The following NGEF variants were observed in gnomAD, a reference collection of about 807,000 sequenced individuals.
NGEF encodes ephexin-1.
NGEF carries 31 observed loss-of-function variants against 80.9 expected under a neutral mutation model. That is an observed-to-expected ratio of 0.38 (90% CI 0.29 to 0.52). The LOEUF is 0.52. Among genes scored for constraint, NGEF ranks in the 20% least tolerant of loss-of-function variants. The pLI, the probability that NGEF is intolerant of heterozygous loss-of-function variation, is 0.84. For synonymous variants in NGEF, 371 were observed against 370.2 expected (o/e 1.00, Z -0.03); for missense variants, 709 against 926.2 (o/e 0.77, Z 3.04).
chr2:233,001,159 C>G (rs1161317306), intron 1 of NGEF, among the ~76,000 whole-genome samples: 2 of 152,192 alleles, frequency 1.3e-5, no homozygotes, highest in Non-Finnish European at 2.9e-5. Context: ...AGAGGCTGGG[C>G]TGAACCAACC....
chr2:232,927,851 CG>C (rs1375483286), intron 3 of NGEF: 6 of 1,219,612 alleles, frequency 4.9e-6, no homozygotes, highest in South Asian at 6.2e-5. Flanking sequence ...AAGAGGCACG[CG>C]GGGGCGGCGC....
chr2:232,932,262 T>A (rs1456737368), intron 3 of NGEF, among the ~76,000 whole-genome samples: 1 of 150,986 alleles, frequency 6.6e-6, no homozygotes, highest in Non-Finnish European at 1.5e-5. Flanking sequence ...CCTCCTGGGT[T>A]CAAGTGATTC....
chr2:232,983,467 C>T lies in NGEF; in HGVS notation c.-74-8503G>A, dbSNP rs188096501. ...GAGGATGGAAATACCTGAAGCAGGTCGGGGTGGGGGTGCAGGGTTAGCTGA... is the reference window on the plus strand; with the variant it reads ...GAGGATGGAAATACCTGAAGCAGGTTGGGGTGGGGGTGCAGGGTTAGCTGA... On this transcript the variant is annotated intron_variant, in intron 1 of 14. Transcript: ENST00000264051. 9.7e-4 allele frequency among the ~76,000 whole-genome samples: 146 copies of T among 150,298 alleles called. 1 individual carries two copies. Among genetic ancestry groups the T allele is most frequent in the Admixed American group, 8.5e-3 (129 of 15,158 alleles).
intron 13 of NGEF, among the ~76,000 whole-genome samples, 187 bp downstream of exon 13, chr2:232,881,999 T>TGGCCATGTGA (rs1421354238): frequency 6.6e-6 from 1 of 152,212 alleles, no homozygotes; most frequent in Non-Finnish European, 1.5e-5. Context: ...TCACACAGTG[T>TGGCCATGTGA]GGCCATGCCA....
intron 7 of NGEF, among the ~76,000 whole-genome samples, chr2:232,891,928 A>G (rs1691896801): frequency 6.6e-6 from 1 of 152,070 alleles, no homozygotes; most frequent in African/African-American, 2.4e-5. Flanking sequence ...GAGGGCTGGG[A>G]GAGCTGGAGG....
At chr2:233,008,397 A>T (rs1574668763) in intron 1 of NGEF, among the ~76,000 whole-genome samples, 1 of 152,210 alleles carries the variant, frequency 6.6e-6, no homozygotes, top group African/African-American at 2.4e-5. Context: ...TGCATGAGGT[A>T]CTCTCCAGGG....
chr2:232,890,652 C>CA (rs1469913813), intron 8 of NGEF, among the ~76,000 whole-genome samples: 1 of 152,160 alleles, frequency 6.6e-6, no homozygotes, highest in Non-Finnish European at 1.5e-5. Context: ...GAATCACTCT[C>CA]AGTCCTTCTC....
chr2:232,985,890 G>A (rs1318065549), intron 1 of NGEF, among the ~76,000 whole-genome samples: 1 of 149,964 alleles, frequency 6.7e-6, no homozygotes, highest in African/African-American at 2.5e-5. Flanking sequence ...AGTGAGCCCA[G>A]ATCACGCCAT....
intron 14 of NGEF, among the ~76,000 whole-genome samples, chr2:232,880,552 T>G (rs1691463354): frequency 6.6e-6 from 1 of 152,214 alleles, no homozygotes; most frequent in African/African-American, 2.4e-5. Context: ...GAAGATGCAG[T>G]TGTATACTTT....
intron 1 of NGEF, among the ~76,000 whole-genome samples, chr2:233,000,722 T>C (rs1209725422): frequency 6.7e-6 from 1 of 148,832 alleles, no homozygotes; most frequent in African/African-American, 2.5e-5. Flanking sequence ...ATCGCGCCAC[T>C]GCACTCCAGC....
rs369440001 is a variant in NGEF, at chr2:232,891,421, C to T, written c.1209G>A (p.Leu403=). Residue 403 remains leucine (L), a synonymous_variant, in exon 8 of 15, where the codon CTG becomes CTA. Coordinates refer to ENST00000264051, the MANE Select transcript of NGEF (RefSeq NM_019850.3). ...QLELDPKCRG[L]PFSSFLILPF... ...GCAGGATGAGGAAGGAGGAGAAGGGCAGCCCCCTGCACTTGGGGTCGAGCT... is the reference window on the plus strand; with the variant it reads ...GCAGGATGAGGAAGGAGGAGAAGGGTAGCCCCCTGCACTTGGGGTCGAGCT... 2.4e-5 allele frequency: 39 copies of T among 1,613,402 alleles called. No homozygotes were observed. The highest frequency in any genetic ancestry group is 3.1e-5 in the Non-Finnish European group (37 of 1,179,986).
intron 3 of NGEF, among the ~76,000 whole-genome samples, chr2:232,965,390 G>C (rs199794055): frequency 6.6e-6 from 1 of 152,186 alleles, no homozygotes; most frequent in African/African-American, 2.4e-5. Flanking sequence ...AAAATCAGCC[G>C]CGACACTTTG....
At chr2:233,009,807 A>T (rs981615235) in intron 1 of NGEF, among the ~76,000 whole-genome samples, 1 of 152,150 alleles carries the variant, frequency 6.6e-6, no homozygotes. Context: ...CACGCTGGCC[A>T]TCCAGACCCC....
intron 4 of NGEF, among the ~76,000 whole-genome samples, chr2:232,925,241 A>C (rs1045888749): frequency 1.3e-5 from 2 of 152,176 alleles, no homozygotes; most frequent in African/African-American, 4.8e-5. Flanking sequence ...AACACTTGGC[A>C]AAGAATTGCT....
At chr2:232,996,374 A>C (rs1694847656) in intron 1 of NGEF, among the ~76,000 whole-genome samples, 1 of 152,112 alleles carries the variant, frequency 6.6e-6, no homozygotes, top group Non-Finnish European at 1.5e-5. Flanking sequence ...ACAGCAACCG[A>C]CCAATTGCTG....
At chr2:232,913,490 G>A (rs924972443) in intron 5 of NGEF, among the ~76,000 whole-genome samples, 6 of 152,150 alleles carry the variant, frequency 3.9e-5, no homozygotes, top group African/African-American at 1.2e-4. Flanking sequence ...GTTCCTTTGG[G>A]TTGATGGTGG....
At chr2:232,930,323 TC>T (rs1358773297) in intron 3 of NGEF, among the ~76,000 whole-genome samples, 22 of 132,202 alleles carry the variant, frequency 1.7e-4, no homozygotes, top group African/African-American at 4.9e-4. Context: ...TCTCTCTCTC[TC>T]TCTTTTTTTT....
intron 1 of NGEF, among the ~76,000 whole-genome samples, chr2:233,008,168 A>G (rs1695125696): frequency 6.6e-6 from 1 of 152,226 alleles, no homozygotes; most frequent in Non-Finnish European, 1.5e-5. Context: ...GTGGGATTTA[A>G]TAGGAATCTA....
At chr2:232,951,888 T>A (rs1231993193) in intron 3 of NGEF, among the ~76,000 whole-genome samples, 1 of 152,198 alleles carries the variant, frequency 6.6e-6, no homozygotes, top group Non-Finnish European at 1.5e-5. Flanking sequence ...TATTTTTTTT[T>A]TATAGCATTT....
Sources: gnomAD v4.1 joint callset for allele counts (sites outside exome capture counted in the v4.1 genomes callset) on GRCh38, gnomAD v4.1.1 for gene constraint, MANE v1.5 for transcripts, NCBI Gene and HGNC (gene_info 2026-07-23, HGNC 2026-07-21) for gene names.